The following VRK2 variants were observed in gnomAD, a reference collection of about 807,000 sequenced individuals.
The protein encoded by VRK2 is serine/threonine-protein kinase VRK2.
A neutral mutation model predicts 57.6 loss-of-function variants in VRK2; 60 were observed. The observed-to-expected ratio is 1.04, with a 90% confidence interval of 0.85 to 1.29. The LOEUF (loss-of-function observed/expected upper bound fraction) is 1.29, where lower values mean the gene tolerates loss of function less well. Among genes scored for constraint, VRK2 ranks in the 50% most tolerant of loss-of-function variants. The pLI, the probability that VRK2 is intolerant of heterozygous loss-of-function variation, is 0.00. For missense variants in VRK2, 705 were observed against 588.1 expected (o/e 1.20, Z -2.06); for synonymous variants, 231 against 199.2 (o/e 1.16, Z -1.35).
chr2:58,047,587 C>T (rs915454791), intron 1 of VRK2: 7 of 407,770 alleles, frequency 1.7e-5, no homozygotes, highest in African/African-American at 1.5e-4. Flanking sequence ...GTAGTTTACA[C>T]TTTGGAGACT....
intron 1 of VRK2, among the ~76,000 whole-genome samples, chr2:57,943,330 A>G (rs1301314536): frequency 6.6e-6 from 1 of 152,234 alleles, no homozygotes; most frequent in Non-Finnish European, 1.5e-5. Flanking sequence ...GGCAAATAGC[A>G]TACTATATTT....
rs956160135 is a variant in VRK2, at chr2:58,123,320, A to G, written c.676+87A>G. 5 of 1,494,752 alleles carry G rather than the reference A, an allele frequency of 3.3e-6. No homozygotes were observed. In the Admixed American group the frequency reaches 7.7e-5, roughly 23 times the overall value. 92.6% of individuals were successfully genotyped at this position (1,494,752 alleles called of 1,614,324 possible). A position where few individuals can be genotyped will look rare whatever the true frequency, so the allele number is the denominator to read the frequency against. On this transcript the variant is annotated intron_variant, in intron 8 of 12. Coordinates refer to ENST00000340157, the MANE Select transcript of VRK2 (RefSeq NM_006296.7). ...TGAGGCTGCATGAAATGACCTTTGC[A>G]TAGTCAGTTTGAAGCATAAGAGCAC...
In VRK2 at chr2:57,995,094, G is replaced by C. The variant is rs372927844; in HGVS notation, c.-438-30571G>C. 3.5e-4 allele frequency among the ~76,000 whole-genome samples: 54 copies of C among 152,274 alleles called. 1 individual carries two copies. The South Asian group carries it at 0.01, about 29-fold the overall frequency. ...CTTCTTTGGTACTACAATGATACATGACAAGTGGCAGTTTCTGTAAGGTTA... is the reference window on the plus strand; with the variant it reads ...CTTCTTTGGTACTACAATGATACATCACAAGTGGCAGTTTCTGTAAGGTTA... On this transcript the variant is annotated intron_variant, in intron 1 of 15. Coordinates refer to the VRK2 transcript ENST00000417641.
intron 7 of VRK2, among the ~76,000 whole-genome samples, chr2:58,092,592 T>C (rs1276260869): frequency 6.6e-6 from 1 of 152,232 alleles, no homozygotes; most frequent in African/African-American, 2.4e-5. Flanking sequence ...AACTGCCAAG[T>C]TGTTTTCTGG....
intron 1 of VRK2, 111 bp downstream of exon 1, chr2:58,046,979 T>TCCGGGCCGTCCCAGCCC (rs2103748669): frequency 4.1e-6 from 4 of 985,246 alleles, no homozygotes; most frequent in South Asian, 9.4e-5. Flanking sequence ...TGCCGGGGAC[T>TCCGGGCCGTCCCAGCCC]CCGGGCCGTC....
chr2:57,928,134 A>C (rs774523727), intron 1 of VRK2, among the ~76,000 whole-genome samples: 1 of 151,992 alleles, frequency 6.6e-6, no homozygotes, highest in Non-Finnish European at 1.5e-5. Flanking sequence ...CTATCTCTCT[A>C]CCTTCTCTTT....
chr2:58,029,538 G>A (rs371743448), intron 2 of VRK2, among the ~76,000 whole-genome samples: 2 of 152,220 alleles, frequency 1.3e-5, no homozygotes, highest in East Asian at 1.9e-4. Flanking sequence ...ACTCTTGACC[G>A]GAAGATAGCA....
chr2:58,071,557 T>A (rs1669363149), intron 2 of VRK2, among the ~76,000 whole-genome samples: 1 of 152,084 alleles, frequency 6.6e-6, no homozygotes, highest in South Asian at 2.1e-4. Context: ...ACACTTCGTC[T>A]ATTGAATTGC....
At chr2:58,027,869 A>G (rs1237580548) in intron 2 of VRK2, among the ~76,000 whole-genome samples, 6 of 152,186 alleles carry the variant, frequency 3.9e-5, no homozygotes, top group Admixed American at 1.3e-4. Flanking sequence ...TTAAATTTCC[A>G]TGAATATAGC....
intron 1 of VRK2, among the ~76,000 whole-genome samples, chr2:58,011,198 A>G (rs1359101250): frequency 1.3e-5 from 2 of 152,252 alleles, no homozygotes; most frequent in Non-Finnish European, 2.9e-5. Context: ...TAAGAGCAGC[A>G]ACTTTCCTTC....
chr2:58,126,488 GA>G (rs1388168875), intron 8 of VRK2, among the ~76,000 whole-genome samples: 3 of 152,032 alleles, frequency 2.0e-5, no homozygotes, highest in Admixed American at 1.3e-4. Context: ...AGTTGAAAGG[GA>G]AAAAAATTAG....
At chr2:58,137,070 C>T (rs1347452003) in intron 10 of VRK2, among the ~76,000 whole-genome samples, 5 of 107,582 alleles carry the variant, frequency 4.6e-5, no homozygotes, top group African/African-American at 1.9e-4. Context: ...TATCATATAT[C>T]ATATATAACA....
chr2:58,129,692 T>C (rs7601556), intron 8 of VRK2, among the ~76,000 whole-genome samples: 3,381 of 152,280 alleles, frequency 0.022, 123 homozygotes, highest in African/African-American at 0.076. Flanking sequence ...AAGACAATCA[T>C]TGGCAAAGTC....
At chr2:58,060,828 C>T (rs912275350) in intron 2 of VRK2, among the ~76,000 whole-genome samples, 2 of 151,808 alleles carry the variant, frequency 1.3e-5, no homozygotes, top group African/African-American at 4.8e-5. Flanking sequence ...TCAGCTCTCA[C>T]TTCATACACT....
At chr2:58,081,142 T>G (rs946645130) in intron 2 of VRK2, among the ~76,000 whole-genome samples, 7 of 152,050 alleles carry the variant, frequency 4.6e-5, no homozygotes, top group African/African-American at 1.7e-4. Flanking sequence ...GTTAATTACC[T>G]TTTCTACATA....
intron 2 of VRK2, among the ~76,000 whole-genome samples, chr2:58,032,105 A>G (rs1364068761): frequency 6.6e-6 from 1 of 152,040 alleles, no homozygotes; most frequent in Non-Finnish European, 1.5e-5. Flanking sequence ...TTTTTCTTTC[A>G]AGGGGTTCAG....
At chr2:58,059,961 C>A (rs926493115) in intron 2 of VRK2, among the ~76,000 whole-genome samples, 1 of 151,780 alleles carries the variant, frequency 6.6e-6, no homozygotes, top group African/African-American at 2.4e-5. Context: ...AAAAGCTATT[C>A]ATTATACTTG....
upstream of VRK2, among the ~76,000 whole-genome samples, chr2:58,045,277 G>A (rs72810318): frequency 0.09 from 13,677 of 152,204 alleles, 654 homozygotes; most frequent in East Asian, 0.11. Flanking sequence ...ATAGATGCTG[G>A]ATGTATTTTG....
Position 58,137,166 on chromosome 2 carries a change from C to CATATATCATATATATCATAT in VRK2, c.856+1970_856+1989dup, listed in dbSNP as rs1271076972. ...ATATATATCATGTGTTTATATATAT[C>CATATATCATATATATCATAT]ATATATCATATATATCATATATGAT... On this transcript the variant is annotated intron_variant, in intron 10 of 12. Transcript: ENST00000340157. Among the ~76,000 whole-genome samples, 24 of 7,294 alleles carry CATATATCATATATATCATAT rather than the reference C, an allele frequency of 3.3e-3. 4 individuals are homozygous for CATATATCATATATATCATAT. Among genetic ancestry groups the CATATATCATATATATCATAT allele is most frequent in the African/African-American group, 3.8e-3 (23 of 6,028 alleles). 4.8% of individuals were successfully genotyped at this position (7,294 alleles called of 152,430 possible).
Sources: gnomAD v4.1 joint callset for allele counts (sites outside exome capture counted in the v4.1 genomes callset) on GRCh38, gnomAD v4.1.1 for gene constraint, MANE v1.5 for transcripts, NCBI Gene and HGNC (gene_info 2026-07-23, HGNC 2026-07-21) for gene names.